Variants in FN3K observed in about 807,000 individuals in gnomAD.
The protein encoded by FN3K is fructosamine 3 kinase.
Under a neutral mutation model 24.8 loss-of-function variants are expected in FN3K, and 24 were observed. The observed-to-expected ratio is 0.97, with a 90% CI of 0.70 to 1.36. The LOEUF is 1.36. Ranked by LOEUF, FN3K falls within the 40% of genes most tolerant of loss-of-function variation. FN3K has a pLI of 0.00. For missense variants in FN3K, 449 were observed against 416.7 expected, an observed-to-expected ratio of 1.08 and a Z score of -0.67; for synonymous variants, 192 against 175.2, an observed-to-expected ratio of 1.10 and a Z score of -0.76.
intron 5 of FN3K, 66 bp downstream of exon 5, chr17:82,749,043 G>C (rs2046985360): frequency 6.2e-7 from 1 of 1,609,464 alleles, no homozygotes; most frequent in African/African-American, 1.3e-5. Flanking sequence ...CATTTGTGCG[G>C]GTTCATCTGT....
At chr17:82,739,112 T>C (rs1343995038) in intron 2 of FN3K, among the ~76,000 whole-genome samples, 1 of 150,846 alleles carries the variant, frequency 6.6e-6, no homozygotes, top group Non-Finnish European at 1.5e-5. Flanking sequence ...CACACCTGAC[T>C]AATTTTTGTA....
intron 1 of FN3K, 124 bp from the exon 2 acceptor site, chr17:82,738,365 C>G (rs944311397): frequency 2.8e-5 from 38 of 1,361,594 alleles, no homozygotes; most frequent in Non-Finnish European, 3.8e-5. Flanking sequence ...CAGCTCCCAG[C>G]CAGAGCCAGC....
chr17:82,739,167 C>G (rs2046926022), intron 2 of FN3K, among the ~76,000 whole-genome samples: 2 of 151,708 alleles, frequency 1.3e-5, no homozygotes, highest in Admixed American at 1.3e-4. Flanking sequence ...GAGTTGGTCT[C>G]AAACTTCTGA....
At chr17:82,750,101 T>G (rs887551497) in intron 5 of FN3K, among the ~76,000 whole-genome samples, 1 of 149,020 alleles carries the variant, frequency 6.7e-6, no homozygotes, top group African/African-American at 2.4e-5. Flanking sequence ...CAGACATATA[T>G]GTGTAGCGAA....
intron 1 of FN3K, chr17:82,737,774 C>T (rs2046911738): frequency 6.6e-6 from 1 of 152,288 alleles, no homozygotes; most frequent in Non-Finnish European, 1.5e-5. Context: ...CCACTGCCCT[C>T]CAGCCTGGGT....
chr17:82,747,173 C>T (rs1295725418), intron 4 of FN3K, among the ~76,000 whole-genome samples: 1 of 152,096 alleles, frequency 6.6e-6, no homozygotes, highest in African/African-American at 2.4e-5. Flanking sequence ...GTTAATGTAG[C>T]AGCTGAGGTC....
rs753672071 is a variant in FN3K, at chr17:82,735,793, C to T, written c.141+16C>T. 2.6e-6 allele frequency: 4 copies of T among 1,552,624 alleles called. No homozygotes were observed. In the East Asian group the frequency reaches 9.5e-5, roughly 37 times the overall value. On this transcript the variant is annotated intron_variant, in intron 1 of 5. Transcript: ENST00000300784. ...CAGGACGCAGGTGCTGGCCCGTGCG[C>T]AGGCGGGGGCTCTGCGGGTCTCTGC... is the stretch of plus-strand genomic sequence containing the variant.
At chr17:82,741,977 G>A (rs772545142) in intron 4 of FN3K, among the ~76,000 whole-genome samples, 15 of 152,056 alleles carry the variant, frequency 9.9e-5, no homozygotes, top group East Asian at 1.9e-4. Context: ...GCACGATCTC[G>A]ACCCACCGCA....
chr17:82,748,743 C>G, intron 4 of FN3K, 112 bp from the exon 5 acceptor site: 2 of 1,524,226 alleles, frequency 1.3e-6, no homozygotes, highest in Middle Eastern at 2.3e-4. Context: ...TCTGTCTTAC[C>G]TCCTTTGTTG....
intron 5 of FN3K, among the ~76,000 whole-genome samples, chr17:82,750,186 CAG>C (rs573168518): frequency 8.5e-4 from 129 of 152,314 alleles, no homozygotes; most frequent in African/African-American, 2.9e-3. Flanking sequence ...ACTATAACCT[CAG>C]AGGTTCTCCA....
intron 1 of FN3K, among the ~76,000 whole-genome samples, chr17:82,736,747 G>A (rs1303669017): frequency 6.6e-6 from 1 of 152,208 alleles, no homozygotes; most frequent in Non-Finnish European, 1.5e-5. Flanking sequence ...GAGCCATGCA[G>A]CCTGGGCGTG....
Position 82,750,956 on chromosome 17 carries a change from T to TCCCTGC in FN3K, c.*204_*205insTGCCCC. On this transcript the variant is annotated 3_prime_UTR_variant, in exon 6 of 6. Coordinates refer to ENST00000300784, the MANE Select transcript of FN3K (RefSeq NM_022158.4). Reference sequence around the variant, plus strand: ...TCCATCCCTGTCCCCCGTCCCCCTGTCCCCCTGTCCACATACCAATCCCCC... The same window carrying TCCCTGC: ...TCCATCCCTGTCCCCCGTCCCCCTGTCCCTGCCCCCCTGTCCACATACCAATCCCCC... 1 of 250,576 alleles carries TCCCTGC rather than the reference T, an allele frequency of 4.0e-6. No individual in the cohort carries two copies. Among genetic ancestry groups the TCCCTGC allele is most frequent in the Non-Finnish European group, 7.2e-6 (1 of 139,528 alleles). 15.5% of individuals were successfully genotyped at this position (250,576 alleles called of 1,614,324 possible).
intron 4 of FN3K, chr17:82,741,604 C>T (rs571012802): frequency 4.0e-5 from 21 of 530,918 alleles, no homozygotes; most frequent in African/African-American, 3.8e-4. Context: ...CTGGGGCAGG[C>T]AGATCAGCAT....
chr17:82,740,255 C>A (rs2046933029), intron 2 of FN3K, among the ~76,000 whole-genome samples: 1 of 152,066 alleles, frequency 6.6e-6, no homozygotes, highest in South Asian at 2.1e-4. Context: ...TCCCTTAATT[C>A]CTGGTACCTC....
chr17:82,745,227 T>G (rs572704400), intron 4 of FN3K: 1 of 185,154 alleles, frequency 5.4e-6, no homozygotes, highest in East Asian at 1.7e-4. Context: ...CCTGGGTACT[T>G]GAGATTAGGG....
At chr17:82,739,561 C>T (rs1316412196) in intron 2 of FN3K, among the ~76,000 whole-genome samples, 6 of 151,154 alleles carry the variant, frequency 4.0e-5, no homozygotes, top group Admixed American at 4.0e-4. Flanking sequence ...GGGTTGACGC[C>T]ATTCTCCTGC....
intron 1 of FN3K, chr17:82,738,239 C>T (rs1167620040): frequency 5.6e-6 from 3 of 533,802 alleles, no homozygotes; most frequent in Non-Finnish European, 1.0e-5. Flanking sequence ...TGTGCATCCT[C>T]CTGTCACAGC....
chr17:82,735,872 C>T (rs1156789874), intron 1 of FN3K, 95 bp downstream of exon 1: 2 of 1,493,042 alleles, frequency 1.3e-6, no homozygotes, highest in Admixed American at 2.0e-5. Flanking sequence ...GGGGCTGGGC[C>T]TGGGGAGGGG....
chr17:82,740,688 T>C (rs2046936240), intron 2 of FN3K, 75 bp from the exon 3 acceptor site: 1 of 1,036,860 alleles, frequency 9.6e-7, no homozygotes, highest in Non-Finnish European at 1.5e-6. Flanking sequence ...TTTAAACCTT[T>C]CTCAAAATGG....
Sources: gnomAD v4.1 joint callset for allele counts (sites outside exome capture counted in the v4.1 genomes callset) on GRCh38, gnomAD v4.1.1 for gene constraint, MANE v1.5 for transcripts, NCBI Gene and HGNC (gene_info 2026-07-23, HGNC 2026-07-21) for gene names.